MKNK1: variants seen among roughly 807,000 people sequenced by gnomAD.
MKNK1 encodes the protein MAP kinase-interacting serine/threonine-protein kinase 1.
MKNK1 carries 30 observed loss-of-function variants against 49.3 expected under a neutral mutation model. The observed-to-expected ratio is 0.61, with a 90% CI of 0.46 to 0.83. The LOEUF (loss-of-function observed/expected upper bound fraction) is 0.83. Among genes scored for constraint, MKNK1 ranks in the 40% least tolerant of loss-of-function variants. The pLI is 0.00. For synonymous variants in MKNK1, 176 were observed against 201.7 expected (o/e 0.87, Z 1.08); for missense variants, 423 against 524.7 (o/e 0.81, Z 1.89).
At chr1:46,600,492 A>C (rs935810116) in intron 1 of MKNK1, among the ~76,000 whole-genome samples, 14 of 152,242 alleles carry the variant, frequency 9.2e-5, no homozygotes, top group African/African-American at 2.9e-4. Flanking sequence ...AATATTCCTA[A>C]ACTAAGATCC....
chr1:46,586,877 A>C (rs1672649492), intron 2 of MKNK1, among the ~76,000 whole-genome samples: 1 of 152,194 alleles, frequency 6.6e-6, no homozygotes. Context: ...AGTGGAGTGC[A>C]GCTCAGTACA....
chr1:46,600,503 G>A (rs370891045), intron 1 of MKNK1, among the ~76,000 whole-genome samples: 2 of 152,176 alleles, frequency 1.3e-5, no homozygotes, highest in East Asian at 1.9e-4. Context: ...ACTAAGATCC[G>A]CTAATACTCA....
At chr1:46,592,737 G>A (rs941034257) in intron 2 of MKNK1, among the ~76,000 whole-genome samples, 5 of 152,204 alleles carry the variant, frequency 3.3e-5, no homozygotes, top group African/African-American at 9.7e-5. Flanking sequence ...TGAAGAAGGT[G>A]GGGGCAAAGA....
chr1:46,563,526 A>AACCACCTCCCGCCTCC (rs1210208146), intron 9 of MKNK1: 1 of 152,244 alleles, frequency 6.6e-6, no homozygotes, highest in African/African-American at 2.4e-5. Flanking sequence ...ACCAAGAAAC[A>AACCACCTCCCGCCTCC]ACCACCTCCC....
At chr1:46,590,431 C>A (rs765596191) in intron 2 of MKNK1, among the ~76,000 whole-genome samples, 1 of 152,252 alleles carries the variant, frequency 6.6e-6, no homozygotes, top group African/African-American at 2.4e-5. Flanking sequence ...ACTTTACCAA[C>A]GCTACACTTT....
chr1:46,560,160 TC>T (rs1273339263), intron 12 of MKNK1, 73 bp downstream of exon 12: 14 of 1,547,640 alleles, frequency 9.0e-6, no homozygotes, highest in Non-Finnish European at 8.0e-6. Flanking sequence ...AGAGATGGGC[TC>T]CCCCGGCCCC....
chr1:46,566,630 A>G (rs1016322587), intron 8 of MKNK1, among the ~76,000 whole-genome samples: 1 of 152,258 alleles, frequency 6.6e-6, no homozygotes, highest in East Asian at 1.9e-4. Context: ...CGATTTCTCC[A>G]TAACCGTAAC....
At chr1:46,592,679 G>A (rs370535618) in intron 2 of MKNK1, among the ~76,000 whole-genome samples, 1 of 152,214 alleles carries the variant, frequency 6.6e-6, no homozygotes, top group Non-Finnish European at 1.5e-5. Flanking sequence ...AACAGAGTGA[G>A]GGAATGAAGT....
intron 2 of MKNK1, among the ~76,000 whole-genome samples, chr1:46,587,933 G>C (rs1022592086): frequency 2.6e-5 from 4 of 152,150 alleles, no homozygotes; most frequent in Non-Finnish European, 5.9e-5. Flanking sequence ...AGAAAGACTA[G>C]ACAGAAATAC....
intron 1 of MKNK1, among the ~76,000 whole-genome samples, chr1:46,602,080 G>A (rs1674800497): frequency 1.3e-5 from 2 of 152,110 alleles, no homozygotes; most frequent in Admixed American, 6.6e-5. Flanking sequence ...GAGAATATAA[G>A]CAAAGGCTCG....
rs562648209 is a variant in MKNK1 at position 46,568,016 on chromosome 1, G to T, written c.513+427C>A. On this transcript the variant is annotated intron_variant, in intron 8 of 12. Transcript: ENST00000371945. ...ACATGCCTGTTGTCTCAGCTACTTG[G>T]GGGGCTGAGGTGGGAGAACCACTTG... Among the ~76,000 whole-genome samples, 183 of 152,176 alleles carry T rather than the reference G, an allele frequency of 1.2e-3. 1 individual carries two copies. The highest frequency in any genetic ancestry group is 4.2e-3 in the African/African-American group (173 of 41,516).
chr1:46,580,426 C>T lies in MKNK1; in HGVS notation c.198+104G>A, dbSNP rs1671559476. ...CAAGATTTGAATCCAGTGAATACAG[C>T]TTCAGAGTCCCCATTCTTATGGAAT... On this transcript the variant is annotated intron_variant, in intron 4 of 12. Transcript: ENST00000371945. The T allele has an allele frequency of 4.8e-6, 4 of 825,228 alleles. No individual in the cohort carries two copies. In the Admixed American group the frequency reaches 8.0e-5, roughly 17 times the overall value. 51.1% of individuals were successfully genotyped at this position (825,228 alleles called of 1,614,324 possible).
Position 46,575,012 on chromosome 1 carries a change from AAAATGTTCCTT to A in MKNK1, c.279-3_286del. The A allele has an allele frequency of 6.2e-7, 1 of 1,610,928 alleles. No homozygotes were observed. Among genetic ancestry groups the A allele is most frequent in the Non-Finnish European group, 8.5e-7 (1 of 1,177,726 alleles). The stretch of plus-strand genomic sequence containing the variant: ...ATCTTCAAAGAACTCAATCAGCTCC[AAAATGTTCCTT>A]AAATAGGGAAAATAGGAGGAGAGGG... On this transcript the variant is annotated splice_acceptor_variant and splice_polypyrimidine_tract_variant and coding_sequence_variant and intron_variant, in exon 6 of 13. Transcript: ENST00000371945. LOFTEE classifies it high-confidence loss of function.
In MKNK1 at chr1:46,572,076, G is replaced by A. The variant is rs757356208; in HGVS notation, c.444C>T (p.Phe148=). ...GGCTGGGTTCACCTTTGGTATGCAG[G>A]AAGTCAAGGGCAGCAGCAACGTCCC... The part of the protein sequence containing the change: ...VVRDVAAALD[F]LHTKGIAHRD... The change falls in exon 7 of 13, where the codon TTC becomes TTT. Residue 148 remains phenylalanine, a synonymous_variant. Transcript: ENST00000371945. The A allele has an allele frequency of 6.2e-7, 1 of 1,614,082 alleles. No homozygotes were observed. The highest frequency in any genetic ancestry group is 8.5e-7 in the Non-Finnish European group (1 of 1,179,956).
At chr1:46,575,063 G>A in intron 5 of MKNK1, 43 bp from the exon 6 acceptor site, 3 of 1,280,026 alleles carry the variant, frequency 2.3e-6, no homozygotes, top group Admixed American at 3.7e-5. Context: ...GGGGGGAAAT[G>A]GTATTATATA....
At chr1:46,585,719 G>A (rs573622502) in intron 2 of MKNK1, among the ~76,000 whole-genome samples, 3 of 152,158 alleles carry the variant, frequency 2.0e-5, no homozygotes, top group Non-Finnish European at 4.4e-5. Context: ...TCAGGCACAC[G>A]ACTCTAATGA....
chr1:46,568,469 T>A lies in MKNK1; in HGVS notation c.487A>T (p.Asn163Tyr). The A allele has an allele frequency of 6.2e-7, 1 of 1,614,126 alleles. No homozygotes were observed. The highest frequency in any genetic ancestry group is 8.5e-7 in the Non-Finnish European group (1 of 1,179,998). The change falls in exon 8 of 13, where the codon AAT (asparagine) becomes TAT (tyrosine). Residue 163 changes from asparagine (N) to tyrosine (Y), a missense_variant. Asn to Tyr is a moderately radical substitution (Grantham distance 143). Coordinates refer to ENST00000371945, the MANE Select transcript of MKNK1 (RefSeq NM_001135553.4). ...GIAHRDLKPE[N>Y]ILCESPEKVS... ...TTTTCTGGAGATTCACACAATATATTTTCTGGTTTCAGATCACGATGAGCA... is the reference window on the plus strand; with the variant it reads ...TTTTCTGGAGATTCACACAATATATATTCTGGTTTCAGATCACGATGAGCA...
intron 6 of MKNK1, among the ~76,000 whole-genome samples, chr1:46,572,469 C>T (rs546760798): frequency 1.5e-4 from 23 of 152,168 alleles, no homozygotes; most frequent in African/African-American, 5.5e-4. Flanking sequence ...CCGCCTGCCT[C>T]AGCCTCCCAA....
Position 46,572,121 on chromosome 1 carries a change from T to A in MKNK1, c.399A>T (p.Arg133=). The A allele has an allele frequency of 6.2e-7, 1 of 1,614,198 alleles. No homozygotes were observed. Residue 133 remains arginine (R), a synonymous_variant, in exon 7 of 13, where the codon CGA becomes CGT. Coordinates refer to ENST00000371945, the MANE Select transcript of MKNK1 (RefSeq NM_001135553.4). The stretch of plus-strand genomic sequence containing the variant: ...CGTCCCGCACCACTCGGCTGGCTTC[T>A]CGCTCATTGAAGTGCTTTTGCTTCT... ...HIQKQKHFNE[R]EASRVVRDVA...
Sources: gnomAD v4.1 joint callset for allele counts (sites outside exome capture counted in the v4.1 genomes callset) on GRCh38, gnomAD v4.1.1 for gene constraint, MANE v1.5 for transcripts, NCBI Gene and HGNC (gene_info 2026-07-23, HGNC 2026-07-21) for gene names.